The following DSCAM variants were observed in gnomAD, a reference collection of about 807,000 sequenced individuals.
The protein encoded by DSCAM is cell adhesion molecule DSCAM.
A neutral mutation model predicts 217.7 loss-of-function variants in DSCAM; 47 were observed. The ratio of observed to expected loss-of-function variants is 0.22; its 90% CI spans 0.17 to 0.28. The LOEUF is 0.28. DSCAM is among the 10% of genes least tolerant of loss of function. The pLI is 1.00. For synonymous variants in DSCAM, 1,056 were observed against 1,015.3 expected, an observed-to-expected ratio of 1.04 and a Z score of -0.76; for missense variants, 2,080 against 2,618.3, an observed-to-expected ratio of 0.79 and a Z score of 4.49.
intron 1 of DSCAM, among the ~76,000 whole-genome samples, chr21:40,824,199 G>A (rs753646967): frequency 1.3e-5 from 2 of 151,828 alleles, no homozygotes; most frequent in Non-Finnish European, 2.9e-5. Flanking sequence ...ATCTCACCCC[G>A]GCACCGTGGA....
intron 16 of DSCAM, among the ~76,000 whole-genome samples, chr21:40,145,402 A>G (rs1239396182): frequency 6.6e-6 from 1 of 152,130 alleles, no homozygotes; most frequent in East Asian, 1.9e-4. Context: ...GAAGCCCCGA[A>G]TCATTCTGGA....
chr21:40,786,496 A>C (rs2091595705), intron 1 of DSCAM, among the ~76,000 whole-genome samples: 1 of 152,096 alleles, frequency 6.6e-6, no homozygotes, highest in Non-Finnish European at 1.5e-5. Context: ...CCTGGACCTA[A>C]TCAATCAGAA....
chr21:40,628,297 C>G (rs1001936992), intron 3 of DSCAM, among the ~76,000 whole-genome samples: 1 of 152,190 alleles, frequency 6.6e-6, no homozygotes, highest in South Asian at 2.1e-4. Context: ...CTGGCTCCCC[C>G]ACTTACCAGA....
chr21:40,201,374 T>C (rs2091067783), intron 11 of DSCAM, among the ~76,000 whole-genome samples: 1 of 114,890 alleles, frequency 8.7e-6, no homozygotes, highest in African/African-American at 3.9e-5. Flanking sequence ...TGGCCATTTC[T>C]TTCTTTTTTT....
chr21:40,323,142 T>G (rs1286147132), intron 8 of DSCAM, among the ~76,000 whole-genome samples: 1 of 152,150 alleles, frequency 6.6e-6, no homozygotes, highest in Non-Finnish European at 1.5e-5. Flanking sequence ...CAGAGCTCAC[T>G]GTCATTGGCC....
At chr21:40,227,637 G>T (rs983195976) in intron 11 of DSCAM, among the ~76,000 whole-genome samples, 2 of 152,012 alleles carry the variant, frequency 1.3e-5, no homozygotes, top group Non-Finnish European at 1.5e-5. Context: ...ACCCTTACTG[G>T]TACACCTGGG....
intron 3 of DSCAM, among the ~76,000 whole-genome samples, chr21:40,447,602 C>G (rs1314108400): frequency 1.3e-5 from 2 of 152,214 alleles, no homozygotes; most frequent in African/African-American, 2.4e-5. Context: ...CTATGGCAAA[C>G]TTTCCTTTTC....
intron 3 of DSCAM, among the ~76,000 whole-genome samples, chr21:40,544,065 G>A (rs949304871): frequency 3.9e-5 from 6 of 152,090 alleles, no homozygotes; most frequent in African/African-American, 1.4e-4. Flanking sequence ...AGGATACCTG[G>A]AAGTGAGGGG....
intron 3 of DSCAM, among the ~76,000 whole-genome samples, chr21:40,601,854 A>G (rs2077064349): frequency 6.6e-6 from 1 of 152,168 alleles, no homozygotes; most frequent in African/African-American, 2.4e-5. Flanking sequence ...AATACCTGGA[A>G]TAAATCCAAA....
chr21:40,665,550 G>C (rs1445542769), intron 3 of DSCAM, among the ~76,000 whole-genome samples: 1 of 152,080 alleles, frequency 6.6e-6, no homozygotes, highest in Admixed American at 6.5e-5. Flanking sequence ...CCTGACCTCT[G>C]ACAGGCCAGG....
At chr21:40,822,729 C>T (rs2091939209) in intron 1 of DSCAM, among the ~76,000 whole-genome samples, 1 of 152,254 alleles carries the variant, frequency 6.6e-6, no homozygotes, top group Middle Eastern at 3.4e-3. Flanking sequence ...ATCTGTATCA[C>T]GTTGAGATGG....
intron 3 of DSCAM, among the ~76,000 whole-genome samples, chr21:40,652,983 G>A (rs2146363437): frequency 6.6e-6 from 1 of 152,246 alleles, no homozygotes; most frequent in South Asian, 2.1e-4. Flanking sequence ...GCTTGTATGA[G>A]CTCCCTGGTT....
chr21:40,663,083 G>C (rs1432246230), intron 3 of DSCAM, among the ~76,000 whole-genome samples: 1 of 151,074 alleles, frequency 6.6e-6, no homozygotes, highest in Non-Finnish European at 1.5e-5. Flanking sequence ...ATGCCAGTAT[G>C]TGTAGTATGT....
intron 3 of DSCAM, among the ~76,000 whole-genome samples, chr21:40,452,927 T>G (rs1399288035): frequency 2.6e-5 from 4 of 152,110 alleles, no homozygotes; most frequent in African/African-American, 9.7e-5. Flanking sequence ...ATTAGGTAAT[T>G]CCATATTAAG....
At chr21:40,283,427 T>C (rs1470252365) in intron 10 of DSCAM, among the ~76,000 whole-genome samples, 3 of 152,232 alleles carry the variant, frequency 2.0e-5, no homozygotes, top group Non-Finnish European at 4.4e-5. Context: ...TTGCTAGTTA[T>C]ATTAATTCTG....
intron 3 of DSCAM, among the ~76,000 whole-genome samples, chr21:40,523,506 G>A (rs577915457): frequency 2.9e-4 from 44 of 152,032 alleles, no homozygotes; most frequent in Non-Finnish European, 5.6e-4. Flanking sequence ...AGAGTTTCGG[G>A]GAGGCAGAGG....
chr21:40,395,803 A>T (rs1486375701), intron 3 of DSCAM, among the ~76,000 whole-genome samples: 1 of 152,220 alleles, frequency 6.6e-6, no homozygotes, highest in Non-Finnish European at 1.5e-5. Flanking sequence ...GAGTCCTCTC[A>T]GGGAATGGAT....
Position 40,794,964 on chromosome 21 carries a change from C to T in DSCAM, c.43+51655G>A, listed in dbSNP as rs186163232. The stretch of plus-strand genomic sequence containing the variant: ...CTCAACCTTCAGCATTTAATGACTA[C>T]GTATCCCTTGGTCTATACTCCTTCT... On this transcript the variant is annotated intron_variant, in intron 1 of 32. Coordinates refer to ENST00000400454, the MANE Select transcript of DSCAM (RefSeq NM_001389.5). Among the ~76,000 whole-genome samples, 294 of 149,088 alleles carry T rather than the reference C, an allele frequency of 2.0e-3. 3 individuals are homozygous for T. In the South Asian group the frequency reaches 0.023, roughly 12 times the overall value.
chr21:40,546,278 AGC>A (rs2076581726), intron 3 of DSCAM, among the ~76,000 whole-genome samples: 1 of 151,570 alleles, frequency 6.6e-6, no homozygotes, highest in African/African-American at 2.4e-5. Flanking sequence ...GGTAGCTGTG[AGC>A]AGCATTTCCT....
Sources: allele counts gnomAD v4.1 joint callset (sites outside exome capture counted in the v4.1 genomes callset), GRCh38; gene constraint gnomAD v4.1.1; transcripts MANE v1.5; gene names NCBI Gene and HGNC (gene_info 2026-07-23, HGNC 2026-07-21).